Variants in VDAC1 observed in about 807,000 individuals in gnomAD.
The protein encoded by VDAC1 is voltage dependent anion channel 1, also known as non-selective voltage-gated ion channel VDAC1.
A neutral mutation model predicts 34.7 loss-of-function variants in VDAC1; 10 were observed. That is an observed-to-expected ratio of 0.29 (90% confidence interval 0.18 to 0.49). The LOEUF is 0.49. Among genes scored for constraint, VDAC1 ranks in the 20% least tolerant of loss-of-function variants. The pLI, the probability that VDAC1 is intolerant of heterozygous loss-of-function variation, is 0.99. For missense variants in VDAC1, 230 were observed against 347.9 expected (o/e 0.66, Z 2.69); for synonymous variants, 130 against 136.0 (o/e 0.96, Z 0.30).
chr5:134,113,152 C>T, the VDAC1 span, among the ~76,000 whole-genome samples: 2 of 152,184 alleles, frequency 1.3e-5, 1 homozygote, highest in South Asian at 4.1e-4. Flanking sequence ...GCAGATGAGG[C>T]GAGACTAAGC....
rs187886833 is a variant in VDAC1, at chr5:133,994,430, T to C, written c.-6-1412A>G. ...TTTTTGTCGCTGCTGTGTTATTTCT[T>C]GCACATGATCAGGCTGAAACCATGG... On this transcript the variant is annotated intron_variant, in intron 1 of 8. Coordinates refer to ENST00000265333, the MANE Select transcript of VDAC1 (RefSeq NM_003374.3). 1.4e-3 allele frequency among the ~76,000 whole-genome samples: 215 copies of C among 152,308 alleles called. 1 individual carries two copies. Among genetic ancestry groups the C allele is most frequent in the African/African-American group, 5.0e-3 (209 of 41,574 alleles).
At chr5:134,048,956 C>T in the VDAC1 span, among the ~76,000 whole-genome samples, 1 of 152,148 alleles carries the variant, frequency 6.6e-6, no homozygotes, top group African/African-American at 2.4e-5. Flanking sequence ...CTATGTTACA[C>T]AAAAGTAATA....
chr5:134,078,200 T>G, the VDAC1 span, among the ~76,000 whole-genome samples: 1 of 152,286 alleles, frequency 6.6e-6, no homozygotes, highest in Non-Finnish European at 1.5e-5. Context: ...ATTGGACCCC[T>G]GCCCTCAAAG....
At chr5:133,992,801 C>T in intron 2 of VDAC1, 145 bp downstream of exon 2, 1 of 770,784 alleles carries the variant, frequency 1.3e-6, no homozygotes, top group Non-Finnish European at 2.0e-6. Flanking sequence ...CTACAATTGC[C>T]ACACAAATGA....
the VDAC1 span, among the ~76,000 whole-genome samples, chr5:134,083,761 TAGGACTC>T: frequency 6.6e-6 from 1 of 152,220 alleles, no homozygotes; most frequent in Non-Finnish European, 1.5e-5. Flanking sequence ...CTCTGGCCTG[TAGGACTC>T]AGAGTCCAGA....
the VDAC1 span, among the ~76,000 whole-genome samples, chr5:134,054,406 T>C: frequency 1.3e-5 from 2 of 151,924 alleles, no homozygotes; most frequent in Admixed American, 6.6e-5. Context: ...CTGACCATAG[T>C]CTGTCTTTCT....
chr5:134,038,357 G>A, the VDAC1 span, among the ~76,000 whole-genome samples: 1 of 152,208 alleles, frequency 6.6e-6, no homozygotes, highest in Non-Finnish European at 1.5e-5. Flanking sequence ...AGAACAAGGT[G>A]GCATGTTTGA....
At chr5:134,072,522 T>C in the VDAC1 span, among the ~76,000 whole-genome samples, 1 of 152,218 alleles carries the variant, frequency 6.6e-6, no homozygotes, top group Non-Finnish European at 1.5e-5. Context: ...CTGATGTTCA[T>C]GGACAGCACA....
chr5:134,080,127 C>G, the VDAC1 span, among the ~76,000 whole-genome samples: 1 of 152,208 alleles, frequency 6.6e-6, no homozygotes, highest in South Asian at 2.1e-4. Context: ...ACATCAAAGC[C>G]GGCTGAGCAT....
At chr5:133,993,429 A>G (rs1753179971) in intron 1 of VDAC1, among the ~76,000 whole-genome samples, 1 of 152,258 alleles carries the variant, frequency 6.6e-6, no homozygotes, top group Non-Finnish European at 1.5e-5. Context: ...AGCTACTAGG[A>G]CATTAAATGT....
chr5:134,073,649 A>T, the VDAC1 span, among the ~76,000 whole-genome samples: 1 of 152,252 alleles, frequency 6.6e-6, no homozygotes. Context: ...AATGTTCATC[A>T]GAGAGAGGAT....
At chr5:134,060,479 T>C in the VDAC1 span, among the ~76,000 whole-genome samples, 2 of 152,132 alleles carry the variant, frequency 1.3e-5, no homozygotes, top group African/African-American at 4.8e-5. Context: ...ATTAGAGATA[T>C]ATGATACACT....
chr5:134,085,722 T>TACAAAAAAAAA, the VDAC1 span, among the ~76,000 whole-genome samples: 1 of 44,224 alleles, frequency 2.3e-5, no homozygotes, highest in Non-Finnish European at 3.7e-5. Context: ...ACCCCATTTC[T>TACAAAAAAAAA]AAAAAAAAAA....
chr5:133,996,526 CA>C (rs981567457), intron 1 of VDAC1, among the ~76,000 whole-genome samples: 45 of 152,164 alleles, frequency 3.0e-4, no homozygotes, highest in African/African-American at 1.1e-3. Context: ...AGCTGAATGG[CA>C]ATGACAGCTG....
intron 1 of VDAC1, among the ~76,000 whole-genome samples, chr5:133,996,017 C>G (rs902050826): frequency 2.6e-5 from 4 of 152,172 alleles, no homozygotes; most frequent in Admixed American, 6.5e-5. Context: ...CATCCACCCC[C>G]CAGGGGCCTT....
the VDAC1 span, among the ~76,000 whole-genome samples, chr5:134,013,456 C>A: frequency 6.6e-6 from 1 of 151,994 alleles, no homozygotes; most frequent in African/African-American, 2.4e-5. Context: ...AACAAACAAA[C>A]AAAATTGACA....
the VDAC1 span, among the ~76,000 whole-genome samples, chr5:134,058,739 T>C: frequency 2.5e-4 from 38 of 152,264 alleles, no homozygotes; most frequent in East Asian, 1.4e-3. Flanking sequence ...ATGGAGCCTA[T>C]CATTCCCAGG....
chr5:134,103,207 C>T, the VDAC1 span, among the ~76,000 whole-genome samples: 3 of 152,260 alleles, frequency 2.0e-5, no homozygotes, highest in Middle Eastern at 3.4e-3. Flanking sequence ...CTGTAGCCTC[C>T]ACCTCCCAGG....
At chr5:134,110,196 T>C in the VDAC1 span, among the ~76,000 whole-genome samples, 122 of 152,344 alleles carry the variant, frequency 8.0e-4, 2 homozygotes, top group Middle Eastern at 3.4e-3. Flanking sequence ...TCAAGCCAAT[T>C]TGGCCAAGTT....
Sources: gnomAD v4.1 joint callset for allele counts (sites outside exome capture counted in the v4.1 genomes callset) on GRCh38, gnomAD v4.1.1 for gene constraint, MANE v1.5 for transcripts, NCBI Gene and HGNC (gene_info 2026-07-23, HGNC 2026-07-21) for gene names.